The following MID2 variants were observed in gnomAD, a reference collection of about 807,000 sequenced individuals.
The protein encoded by MID2 is probable E3 ubiquitin-protein ligase MID2.
MID2 carries 13 observed loss-of-function variants against 46.1 expected under a neutral mutation model. The observed-to-expected ratio is 0.28, with a 90% confidence interval of 0.18 to 0.45. MID2 has a LOEUF of 0.45. MID2 is among the 20% of genes least tolerant of loss of function. The pLI is 1.00. For missense variants in MID2, 431 were observed against 575.4 expected (o/e 0.75, Z 2.57); for synonymous variants, 199 against 212.3 (o/e 0.94, Z 0.55).
chrX:107,909,921 G>T (rs1932870656), intron 5 of MID2, among the ~76,000 whole-genome samples: 2 of 112,173 alleles, frequency 1.8e-5, no homozygotes, highest in East Asian at 2.8e-4. Flanking sequence ...TTAATGGGTT[G>T]CAATGTGATG....
chrX:107,887,569 ATTGGTCT>A (rs1322989764), intron 3 of MID2, among the ~76,000 whole-genome samples: 3 of 111,641 alleles, frequency 2.7e-5, no homozygotes, highest in African/African-American at 9.8e-5. Context: ...CATCAGGGAT[ATTGGTCT>A]AAAATTCTCT....
rs1933269078 is a variant in MID2 at position 107,930,821 on chromosome X, C to T, written c.*3748C>T. Among the ~76,000 whole-genome samples the T allele has an allele frequency of 8.9e-6, 1 of 112,589 alleles. No individual in the cohort carries two copies. The highest frequency in any genetic ancestry group is 3.2e-5 in the African/African-American group (1 of 31,020). Reference sequence around the variant, plus strand: ...TTGTTGTTGCTCTACTCAACCTGTTCTCCACAACTGTTTCTACCAGAAGAT... The same window carrying T: ...TTGTTGTTGCTCTACTCAACCTGTTTTCCACAACTGTTTCTACCAGAAGAT... On this transcript the variant is annotated 3_prime_UTR_variant, in exon 10 of 10. Coordinates refer to ENST00000262843, the MANE Select transcript of MID2 (RefSeq NM_012216.4).
At chrX:107,877,817 C>T (rs1352925147) in intron 3 of MID2, among the ~76,000 whole-genome samples, 1 of 111,026 alleles carries the variant, frequency 9.0e-6, no homozygotes, top group African/African-American at 3.3e-5. Context: ...CTTTCTAGGG[C>T]TTCAACCCAA....
In MID2 at chrX:107,930,942, G is replaced by C; in HGVS notation, c.*3869G>C. On this transcript the variant is annotated 3_prime_UTR_variant, in exon 10 of 10. Transcript: ENST00000262843. Reference sequence around the variant, plus strand: ...TCAAAAATAAAGTAAAACCTGTTTTGAGAGTATGAAAGAAATTTTAATGCC... The same window carrying C: ...TCAAAAATAAAGTAAAACCTGTTTTCAGAGTATGAAAGAAATTTTAATGCC... Among the ~76,000 whole-genome samples the C allele has an allele frequency of 8.9e-6, 1 of 112,280 alleles. No homozygotes were observed. The highest frequency in any genetic ancestry group is 2.8e-4 in the East Asian group (1 of 3,593).
At chrX:107,905,661 T>C in intron 5 of MID2, 35 bp downstream of exon 5, 1 of 1,123,452 alleles carries the variant, frequency 8.9e-7, no homozygotes, top group Non-Finnish European at 1.2e-6. Flanking sequence ...ATGCCTGCTC[T>C]TGTGAAAAGA....
intron 5 of MID2, among the ~76,000 whole-genome samples, chrX:107,914,881 ACT>A (rs1314527128): frequency 8.9e-6 from 1 of 111,988 alleles, no homozygotes; most frequent in Non-Finnish European, 1.9e-5. Context: ...TATATTTCTG[ACT>A]CTTACTGGTT....
Position 107,917,705 on chromosome X carries a change from A to G in MID2, c.1401A>G (p.Ala467=), listed in dbSNP as rs757486562. The G allele has an allele frequency of 8.2e-7, 1 of 1,212,370 alleles. No homozygotes were observed. The highest frequency in any genetic ancestry group is 1.1e-6 in the Non-Finnish European group (1 of 895,595). The change falls in exon 7 of 10, where the codon GCA becomes GCG. Residue 467 remains alanine (A), a synonymous_variant. Coordinates refer to ENST00000262843, the MANE Select transcript of MID2 (RefSeq NM_012216.4). ...CAGAGATAAGGAAATGTAAGGAAGC[A>G]GTAAGCTGCTCAAGATTGGCCGGGG... ...LWPEIRKCKE[A]VSCSRLAGAP...
At chrX:107,871,235 G>T (rs1310338111) in intron 3 of MID2, among the ~76,000 whole-genome samples, 1 of 111,593 alleles carries the variant, frequency 9.0e-6, no homozygotes, top group Non-Finnish European at 1.9e-5. Context: ...CCCTTTGCTG[G>T]CAGGAACTGG....
chrX:107,924,409 A>G lies in MID2; in HGVS notation c.1502A>G (p.His501Arg). 1 of 1,210,967 alleles carries G rather than the reference A, an allele frequency of 8.3e-7. No homozygotes were observed. Among genetic ancestry groups the G allele is most frequent in the Non-Finnish European group, 1.1e-6 (1 of 894,614 alleles). The change falls in exon 8 of 10, where the codon CAT (histidine) becomes CGT (arginine). Residue 501 changes from histidine to arginine, a missense_variant. Physicochemically the swap from His to Arg is conservative, Grantham distance 29 (BLOSUM62 0). Transcript: ENST00000262843. Reference sequence around the variant, plus strand: ...ATTAAACAGAACCATTACACAGTGCATGGACTCCAGAGCGGGACTCGCTAC... The same window carrying G: ...ATTAAACAGAACCATTACACAGTGCGTGGACTCCAGAGCGGGACTCGCTAC... ...PNIKQNHYTV[H>R]GLQSGTRYIF... is the part of the protein sequence containing the mutation.
At chrX:107,866,422 AACACACACACACACACACACACACACAC>A (rs57100746) in intron 3 of MID2, among the ~76,000 whole-genome samples, 11 of 81,198 alleles carry the variant, frequency 1.4e-4, no homozygotes, top group South Asian at 8.1e-4. Context: ...AGCCACTGAA[AACACACACACACACACACACACACACAC>A]ACACACACAC....
In MID2 at chrX:107,926,181, C is replaced by T; in HGVS notation, c.1685C>T (p.Ser562Phe). The change falls in exon 9 of 10, where the codon TCT (serine) becomes TTT (phenylalanine). Residue 562 changes from serine (S) to phenylalanine (F), a missense_variant. Physicochemically the swap from Ser to Phe is radical, Grantham distance 155. Coordinates refer to ENST00000262843, the MANE Select transcript of MID2 (RefSeq NM_012216.4). Reference protein sequence around the residue: ...DGLQMEKDESSLKKSHTPERF... With the variant: ...DGLQMEKDESFLKKSHTPERF... ...TTGCAGATGGAGAAGGATGAAAGCT[C>T]TCTAAAGAAGAGCCACACCCCAGAG... The T allele has an allele frequency of 8.3e-7, 1 of 1,208,166 alleles. No individual in the cohort carries two copies. Among genetic ancestry groups the T allele is most frequent in the African/African-American group, 1.7e-5 (1 of 57,387 alleles).
At chrX:107,867,393 C>T (rs1414611074) in intron 3 of MID2, among the ~76,000 whole-genome samples, 1 of 108,512 alleles carries the variant, frequency 9.2e-6, no homozygotes, top group Non-Finnish European at 1.9e-5. Context: ...GATCTCCTGA[C>T]CTTGTGATCC....
chrX:107,886,833 C>T (rs1932464676), intron 3 of MID2, among the ~76,000 whole-genome samples: 1 of 111,560 alleles, frequency 9.0e-6, no homozygotes, highest in Non-Finnish European at 1.9e-5. Context: ...TGAAGAGGTC[C>T]TTGACATCCC....
chrX:107,836,493 C>T lies in MID2; in HGVS notation c.5-4177C>T, dbSNP rs192927836. 9.5e-3 allele frequency among the ~76,000 whole-genome samples: 1,059 copies of T among 111,205 alleles called. 16 individuals are homozygous for T. The highest frequency in any genetic ancestry group is 0.033 in the African/African-American group (997 of 30,572). On this transcript the variant is annotated intron_variant, in intron 1 of 9. Coordinates refer to ENST00000262843, the MANE Select transcript of MID2 (RefSeq NM_012216.4). ...GTCTCGATCTCCTGACCTTGTGATCCGCCTGCCTCAACCTCTCAAAGTGTT... is the reference window on the plus strand; with the variant it reads ...GTCTCGATCTCCTGACCTTGTGATCTGCCTGCCTCAACCTCTCAAAGTGTT...
chrX:107,863,931 T>A (rs1281091294), intron 3 of MID2, among the ~76,000 whole-genome samples: 2 of 112,326 alleles, frequency 1.8e-5, no homozygotes, highest in East Asian at 5.6e-4. Flanking sequence ...TCATTTCTAA[T>A]CTCACTTAGT....
intron 3 of MID2, among the ~76,000 whole-genome samples, chrX:107,855,207 GTCCTC>G (rs1931715538): frequency 9.0e-6 from 1 of 110,973 alleles, no homozygotes; most frequent in African/African-American, 3.3e-5. Context: ...ACCCCACCTG[GTCCTC>G]ACTCATTACC....
intron 3 of MID2, among the ~76,000 whole-genome samples, chrX:107,875,969 GA>G (rs1004004468): frequency 9.0e-6 from 1 of 111,682 alleles, no homozygotes; most frequent in Non-Finnish European, 1.9e-5. Context: ...CAGTCCTGCT[GA>G]ACCATTTGGG....
intron 1 of MID2, among the ~76,000 whole-genome samples, chrX:107,835,031 T>C (rs1294029595): frequency 9.0e-6 from 1 of 111,309 alleles, no homozygotes; most frequent in Non-Finnish European, 1.9e-5. Flanking sequence ...TCACTCCTCA[T>C]CCCCCATCCT....
chrX:107,878,601 T>C (rs190500950), intron 3 of MID2, among the ~76,000 whole-genome samples: 46 of 112,226 alleles, frequency 4.1e-4, no homozygotes, highest in Admixed American at 1.2e-3. Flanking sequence ...ACCTATTACA[T>C]TGGGGATGGG....
Sources: gnomAD v4.1 joint callset for allele counts (sites outside exome capture counted in the v4.1 genomes callset) on GRCh38, gnomAD v4.1.1 for gene constraint, MANE v1.5 for transcripts, NCBI Gene and HGNC (gene_info 2026-07-23, HGNC 2026-07-21) for gene names.